Variants in TXLNB observed in about 807,000 individuals in gnomAD.
TXLNB encodes the protein taxilin beta, also known as beta-taxilin.
TXLNB carries 37 observed loss-of-function variants against 57.4 expected under a neutral mutation model. That is an observed-to-expected ratio of 0.64 (90% CI 0.50 to 0.85). The LOEUF is 0.85. Ranked by LOEUF, TXLNB falls within the 40% of genes least tolerant of loss-of-function variation. The probability of loss-of-function intolerance (pLI) is 0.00; values close to 1 mark genes in which losing one functional copy is unlikely to be tolerated. For missense variants in TXLNB, 848 were observed against 825.6 expected (o/e 1.03, Z -0.33); for synonymous variants, 302 against 309.6 (o/e 0.98, Z 0.26).
intron 6 of TXLNB, among the ~76,000 whole-genome samples, chr6:139,256,342 T>C (rs572961193): frequency 6.6e-6 from 1 of 152,322 alleles, no homozygotes; most frequent in South Asian, 2.1e-4. Flanking sequence ...TTCTTTTTTT[T>C]CTTTGAGACG....
the TXLNB span, among the ~76,000 whole-genome samples, chr6:139,211,056 A>T: frequency 6.6e-6 from 1 of 152,234 alleles, no homozygotes; most frequent in African/African-American, 2.4e-5. Context: ...CTCTGGGGGC[A>T]GGGCACAGAC....
chr6:139,160,171 C>T, the TXLNB span, among the ~76,000 whole-genome samples: 1 of 152,160 alleles, frequency 6.6e-6, no homozygotes, highest in Non-Finnish European at 1.5e-5. Context: ...TTTATTTTAA[C>T]TTGAGCAGAA....
At chr6:139,261,901 C>CTTTTT (rs759412856) in intron 5 of TXLNB, among the ~76,000 whole-genome samples, 6 of 117,896 alleles carry the variant, frequency 5.1e-5, no homozygotes, top group African/African-American at 1.4e-4. Context: ...AATACAGACT[C>CTTTTT]TTTTTTTTTT....
chr6:139,309,988 T>C, the TXLNB span, among the ~76,000 whole-genome samples: 1 of 152,068 alleles, frequency 6.6e-6, no homozygotes. Context: ...TCGAAACAGA[T>C]AAAGACCTAA....
intron 7 of TXLNB, among the ~76,000 whole-genome samples, chr6:139,252,501 A>G (rs559965927): frequency 6.6e-6 from 1 of 152,228 alleles, no homozygotes; most frequent in Non-Finnish European, 1.5e-5. Context: ...GAGACAAAAA[A>G]GAAAGACAAA....
chr6:139,167,287 T>C, the TXLNB span: 1 of 1,608,166 alleles, frequency 6.2e-7, no homozygotes, highest in Non-Finnish European at 8.5e-7. Flanking sequence ...CGTCGAGACA[T>C]GATGAGATCG....
At chr6:139,249,088 A>T (rs1383670106) in intron 7 of TXLNB, among the ~76,000 whole-genome samples, 3 of 152,260 alleles carry the variant, frequency 2.0e-5, no homozygotes, top group African/African-American at 7.2e-5. Context: ...TGTATGGGTT[A>T]GCATTTGCCA....
At chr6:139,316,371 G>A in the TXLNB span, among the ~76,000 whole-genome samples, 1 of 152,204 alleles carries the variant, frequency 6.6e-6, no homozygotes, top group African/African-American at 2.4e-5. Flanking sequence ...CACAGGTGAT[G>A]TTTGATCACC....
At chr6:139,188,718 G>T in the TXLNB span, among the ~76,000 whole-genome samples, 1 of 152,192 alleles carries the variant, frequency 6.6e-6, no homozygotes, top group African/African-American at 2.4e-5. Context: ...TTGAAAAATT[G>T]TGTTGGAATC....
chr6:139,220,674 G>A, the TXLNB span, among the ~76,000 whole-genome samples: 1 of 152,244 alleles, frequency 6.6e-6, no homozygotes, highest in African/African-American at 2.4e-5. Context: ...ACCAGTTTTG[G>A]TCTCAGACAG....
chr6:139,300,188 GA>G, the TXLNB span, among the ~76,000 whole-genome samples: 1 of 152,178 alleles, frequency 6.6e-6, no homozygotes, highest in South Asian at 2.1e-4. Flanking sequence ...TGATGTGTTA[GA>G]AAACAGGTGT....
the TXLNB span, among the ~76,000 whole-genome samples, chr6:139,306,942 A>G: frequency 0.011 from 1,734 of 152,284 alleles, 35 homozygotes; most frequent in African/African-American, 0.04. Context: ...ACATGATTCT[A>G]TAATTCTGTG....
intron 6 of TXLNB, among the ~76,000 whole-genome samples, chr6:139,256,867 C>A (rs982765348): frequency 1.3e-5 from 2 of 152,102 alleles, no homozygotes; most frequent in African/African-American, 4.8e-5. Flanking sequence ...AAGAAAATAC[C>A]CAAAATGGTC....
intron 3 of TXLNB, chr6:139,271,850 T>G (rs895154831): frequency 2.0e-5 from 3 of 152,280 alleles, no homozygotes; most frequent in African/African-American, 7.2e-5. Flanking sequence ...CAGATGGTGC[T>G]GAAGTCAGGT....
chr6:139,269,700 C>G (rs755591000), intron 4 of TXLNB, among the ~76,000 whole-genome samples: 1 of 152,176 alleles, frequency 6.6e-6, no homozygotes, highest in Non-Finnish European at 1.5e-5. Flanking sequence ...ACACTGGTGT[C>G]TGATTAATTA....
downstream of TXLNB, among the ~76,000 whole-genome samples, chr6:139,237,743 C>G (rs1455113388): frequency 6.6e-6 from 1 of 151,530 alleles, no homozygotes; most frequent in African/African-American, 2.4e-5. Flanking sequence ...GAGTTTTACA[C>G]GTCGGTATGT....
chr6:139,236,251 A>C (rs1464276487), downstream of TXLNB, among the ~76,000 whole-genome samples: 2 of 152,184 alleles, frequency 1.3e-5, no homozygotes, highest in Non-Finnish European at 2.9e-5. Flanking sequence ...AGACGGCTAA[A>C]CTGAAAGAGT....
intron 7 of TXLNB, among the ~76,000 whole-genome samples, chr6:139,250,674 G>C (rs1405037713): frequency 6.6e-6 from 1 of 151,952 alleles, no homozygotes; most frequent in Non-Finnish European, 1.5e-5. Context: ...TTACATAGAG[G>C]CCTCAGACAC....
rs1475597251 is a variant in TXLNB at position 139,243,247 on chromosome 6, C to T, written c.1334G>A (p.Arg445His). The T allele has an allele frequency of 8.1e-6, 13 of 1,613,968 alleles. No homozygotes were observed. In the East Asian group the frequency reaches 1.6e-4, roughly 19 times the overall value. Residue 445 changes from arginine (R) to histidine (H), a missense_variant, in exon 10 of 10, where the codon CGT becomes CAT. Arg to His is a conservative substitution (Grantham distance 29, BLOSUM62 0). Coordinates refer to ENST00000358430, the MANE Select transcript of TXLNB (RefSeq NM_153235.4). ...MKIGRLENLCRALQEERNELH... is the reference protein window; with the variant it reads ...MKIGRLENLCHALQEERNELH... ...TTCGTTTCTCTCTTCTTGTAAAGCA[C>T]GGCAGAGGTTCTCTAGCCTCCCGAT...
Sources: gnomAD v4.1 joint callset for allele counts (sites outside exome capture counted in the v4.1 genomes callset) on GRCh38, gnomAD v4.1.1 for gene constraint, MANE v1.5 for transcripts, NCBI Gene and HGNC (gene_info 2026-07-23, HGNC 2026-07-21) for gene names.